KIF1B: variants seen among roughly 807,000 people sequenced by gnomAD.
KIF1B encodes the protein kinesin family member 1B.
Under a neutral mutation model 241.9 loss-of-function variants are expected in KIF1B, and 76 were observed. The ratio of observed to expected loss-of-function variants is 0.31; its 90% CI spans 0.26 to 0.38. The LOEUF is 0.38. KIF1B is among the 10% of genes least tolerant of loss of function. The pLI, the probability that KIF1B is intolerant of heterozygous loss-of-function variation, is 1.00. For missense variants in KIF1B, 1,622 were observed against 2,271.4 expected (o/e 0.71, Z 5.81); for synonymous variants, 750 against 796.7 (o/e 0.94, Z 0.99).
Position 10,254,876 on chromosome 1 carries a change from C to CAAA in KIF1B, c.107-1349_107-1347dup, listed in dbSNP as rs1159193467. Among the ~76,000 whole-genome samples, 62 of 36,524 alleles carry CAAA rather than the reference C, an allele frequency of 1.7e-3. 1 individual carries two copies. Among genetic ancestry groups the CAAA allele is most frequent in the South Asian group, 2.4e-3 (2 of 828 alleles). 24.0% of individuals were successfully genotyped at this position (36,524 alleles called of 152,430 possible). Reference sequence around the variant, plus strand: ...AGGGCGACAGAGGGAGACTCTGTCTCAAAAAAAAAAAAAAAAAAAAAAAAG... The same window carrying CAAA: ...AGGGCGACAGAGGGAGACTCTGTCTCAAAAAAAAAAAAAAAAAAAAAAAAAAAG... On this transcript the variant is annotated intron_variant, in intron 2 of 48. Transcript: ENST00000676179.
chr1:10,252,391 T>G (rs1647505564), intron 2 of KIF1B, among the ~76,000 whole-genome samples: 1 of 150,304 alleles, frequency 6.7e-6, no homozygotes, highest in South Asian at 2.1e-4. Context: ...GGGTTTTTGT[T>G]GTTGTTGTTG....
chr1:10,349,349 C>T (rs141677792), intron 37 of KIF1B, among the ~76,000 whole-genome samples: 11 of 151,802 alleles, frequency 7.2e-5, no homozygotes, highest in African/African-American at 1.9e-4. Context: ...GTGGGAGGAT[C>T]GCTTGAACTT....
At chr1:10,295,554 C>A in intron 18 of KIF1B, 106 bp from the exon 19 acceptor site, 2 of 1,019,580 alleles carry the variant, frequency 2.0e-6, no homozygotes, top group South Asian at 2.6e-5. Flanking sequence ...CAAGGCAATA[C>A]CTTTTTTGTA....
chr1:10,336,804 G>T, intron 29 of KIF1B, 62 bp downstream of exon 29: 1 of 1,464,118 alleles, frequency 6.8e-7, no homozygotes, highest in African/African-American at 1.4e-5. Flanking sequence ...CAGCATTGGA[G>T]ATCAGTTCTC....
At position 10,371,351 on chromosome 1, in the gene KIF1B, G is replaced by A; in HGVS notation, c.4946+89G>A. On this transcript the variant is annotated intron_variant, in intron 45 of 48. Coordinates refer to ENST00000676179, the MANE Select transcript of KIF1B (RefSeq NM_001365951.3). The stretch of plus-strand genomic sequence containing the variant: ...CTAGCTCAATGGTTCTTGACTGAAG[G>A]CAGCACCTTCTCCCTAGGCAGCATT... 2.7e-6 allele frequency: 4 copies of A among 1,479,300 alleles called. No homozygotes were observed. In the South Asian group the frequency reaches 4.7e-5, roughly 17 times the overall value. The allele number at this position is 1,479,300 out of a possible 1,614,324, so 91.6% of individuals were successfully genotyped here.
At chr1:10,332,301 G>A (rs1465649481) in intron 27 of KIF1B, among the ~76,000 whole-genome samples, 1 of 151,620 alleles carries the variant, frequency 6.6e-6, no homozygotes, top group East Asian at 1.9e-4. Context: ...CCTGACCTCA[G>A]GTGACCCGCC....
At chr1:10,292,327 G>C in intron 17 of KIF1B, 1 of 549,068 alleles carries the variant, frequency 1.8e-6, no homozygotes, top group Non-Finnish European at 3.3e-6. Flanking sequence ...CTTGTTTACT[G>C]TTTACAAAAG....
intron 5 of KIF1B, among the ~76,000 whole-genome samples, chr1:10,265,787 C>G (rs1038768292): frequency 6.6e-6 from 1 of 152,040 alleles, no homozygotes; most frequent in Non-Finnish European, 1.5e-5. Context: ...GAAGTCGAGG[C>G]TGCAGTGAGC....
chr1:10,350,097 T>C (rs1290538105), intron 37 of KIF1B, among the ~76,000 whole-genome samples: 3 of 151,970 alleles, frequency 2.0e-5, no homozygotes, highest in African/African-American at 7.3e-5. Context: ...GAGACCATCC[T>C]GGCCAACATG....
At chr1:10,312,407 A>G (rs751155841) in intron 22 of KIF1B, among the ~76,000 whole-genome samples, 5 of 151,336 alleles carry the variant, frequency 3.3e-5, no homozygotes, top group African/African-American at 1.2e-4. Context: ...TCTTATTTCC[A>G]TAGTTCCTCC....
chr1:10,257,860 A>G (rs1187647575), intron 3 of KIF1B, among the ~76,000 whole-genome samples: 3 of 151,948 alleles, frequency 2.0e-5, no homozygotes, highest in Non-Finnish European at 1.5e-5. Flanking sequence ...AATTTTTAGT[A>G]GAGATGGGGT....
intron 48 of KIF1B, among the ~76,000 whole-genome samples, chr1:10,375,648 G>T (rs1476842048): frequency 6.6e-6 from 1 of 151,958 alleles, no homozygotes; most frequent in Non-Finnish European, 1.5e-5. Flanking sequence ...GCCTCCCAAA[G>T]TGCTGGGATT....
chr1:10,374,965 C>A lies in KIF1B; in HGVS notation c.5208C>A (p.Asp1736Glu), dbSNP rs749483779. Residue 1736 changes from aspartate (D) to glutamate (E), a missense_variant, in exon 47 of 49, where the codon GAC becomes GAA. Physicochemically the swap from Asp to Glu is conservative, Grantham distance 45. Transcript: ENST00000676179. This position sits in a 1 kb window ranked among gnomAD's most constrained non-coding sequence, Gnocchi z 4.3. ...RRPYVFIYNS[D>E]KDPVERGIIN... ...CTTATGTCTTCATCTATAACAGTGA[C>A]AAAGACCCTGTGGAGCGTGGAATCA... 6.2e-7 allele frequency: 1 copy of A among 1,614,090 alleles called. No homozygotes were observed. Among genetic ancestry groups the A allele is most frequent in the Non-Finnish European group, 8.5e-7 (1 of 1,180,014 alleles).
intron 27 of KIF1B, among the ~76,000 whole-genome samples, chr1:10,332,691 A>AT (rs1053631962): frequency 2.0e-5 from 3 of 147,448 alleles, no homozygotes; most frequent in African/African-American, 7.5e-5. Flanking sequence ...AATTTTTTGT[A>AT]TTTTTTGTAG....
At chr1:10,265,200 T>A (rs1393677065) in intron 5 of KIF1B, among the ~76,000 whole-genome samples, 1 of 138,428 alleles carries the variant, frequency 7.2e-6, no homozygotes, top group Non-Finnish European at 1.5e-5. Context: ...TTAAAATGGA[T>A]TTTATTTATT....
chr1:10,298,943 C>G (rs532413078), intron 22 of KIF1B: 3 of 151,960 alleles, frequency 2.0e-5, no homozygotes, highest in Non-Finnish European at 4.4e-5. Flanking sequence ...ATCCTGGGAC[C>G]TCACTTAGAA....
At chr1:10,255,833 A>G (rs536364744) in intron 2 of KIF1B, among the ~76,000 whole-genome samples, 1 of 152,268 alleles carries the variant, frequency 6.6e-6, no homozygotes, top group African/African-American at 2.4e-5. Flanking sequence ...GTCTCAAAAT[A>G]GGCTGGGGTG....
chr1:10,335,276 G>A (rs550195610), intron 28 of KIF1B, among the ~76,000 whole-genome samples: 3 of 151,888 alleles, frequency 2.0e-5, no homozygotes, highest in African/African-American at 7.2e-5. Context: ...GTTTTGAGAC[G>A]GAGTGTCGCT....
chr1:10,214,029 G>C (rs994868775), intron 1 of KIF1B, among the ~76,000 whole-genome samples: 1 of 151,916 alleles, frequency 6.6e-6, no homozygotes, highest in East Asian at 1.9e-4. Context: ...CTAGTGCTTC[G>C]GAGGCTGAGT....
Sources: gnomAD v4.1 joint callset for allele counts (sites outside exome capture counted in the v4.1 genomes callset) on GRCh38, gnomAD v4.1.1 for gene constraint, Gnocchi (gnomAD v3.1) non-coding constraint, MANE v1.5 for transcripts, NCBI Gene and HGNC (gene_info 2026-07-23, HGNC 2026-07-21) for gene names.